The following PGM3 variants were observed in gnomAD, a reference collection of about 807,000 sequenced individuals.
The protein encoded by PGM3 is phosphoacetylglucosamine mutase.
In PGM3, 40 loss-of-function variants were observed where a neutral mutation model predicts 66.2. The observed-to-expected ratio is 0.60, with a 90% CI of 0.47 to 0.79. The LOEUF is 0.79. PGM3 is among the 30% of genes least tolerant of loss of function. The pLI is 0.00. For synonymous variants in PGM3, 191 were observed against 224.2 expected, an observed-to-expected ratio of 0.85 and a Z score of 1.32; for missense variants, 537 against 643.4, an observed-to-expected ratio of 0.83 and a Z score of 1.79.
Position 83,167,387 on chromosome 6 carries a change from T to C in PGM3, c.*1847A>G. 1.0e-6 allele frequency: 1 copy of C among 984,666 alleles called. No homozygotes were observed. The highest frequency in any genetic ancestry group is 4.7e-5 in the South Asian group (1 of 21,286). 61.0% of individuals were successfully genotyped at this position (984,666 alleles called of 1,614,324 possible). On this transcript the variant is annotated 3_prime_UTR_variant, in exon 13 of 13. Coordinates refer to ENST00000513973, the MANE Select transcript of PGM3 (RefSeq NM_015599.3). ...TTCACTTTGGACACTGCTACCATCA[T>C]GGCAAATTTAGGCCATTTAGATAAA... is the stretch of plus-strand genomic sequence containing the variant.
In PGM3 at chr6:83,177,822, G is replaced by A. The variant is rs182115521; in HGVS notation, c.1029+851C>T. On this transcript the variant is annotated intron_variant, in intron 8 of 12. Transcript: ENST00000513973. ...ACCATCCCCCAGGTAATATGTGACC[G>A]CCCTGGCCTACCTTCAGCAAAAGTC... Among the ~76,000 whole-genome samples, 478 of 152,090 alleles carry A rather than the reference G, an allele frequency of 3.1e-3. 3 individuals carry two copies. The highest frequency in any genetic ancestry group is 0.011 in the African/African-American group (442 of 41,494).
At chr6:83,185,862 AGAGGGTCCC>A (rs1249354020) in intron 4 of PGM3, among the ~76,000 whole-genome samples, 1 of 152,190 alleles carries the variant, frequency 6.6e-6, no homozygotes, top group African/African-American at 2.4e-5. Context: ...GCAGAATGAA[AGAGGGTCCC>A]GAGGAATGCC....
intron 3 of PGM3, among the ~76,000 whole-genome samples, chr6:83,187,576 G>A (rs1788673603): frequency 6.6e-6 from 1 of 152,184 alleles, no homozygotes; most frequent in South Asian, 2.1e-4. Context: ...CACTTTGGGA[G>A]GCCGAGGTGG....
At chr6:83,173,049 A>G (rs925113753) in intron 10 of PGM3, among the ~76,000 whole-genome samples, 2 of 152,220 alleles carry the variant, frequency 1.3e-5, no homozygotes, top group Non-Finnish European at 2.9e-5. Context: ...TACATGAAAC[A>G]AAAGAATTTA....
Position 83,179,878 on chromosome 6 carries a change from A to G in PGM3, c.877T>C (p.Phe293Leu). The G allele has an allele frequency of 6.2e-7, 1 of 1,613,234 alleles. No homozygotes were observed. ...ATCTTGTCTCCATCTATGAGATGAA[A>G]GTGGCCATCTGCATCATGGTAGTAA... ...VYYYHDADGH[F>L]HLIDGDKIAT... Residue 293 changes from phenylalanine to leucine, a missense_variant, in exon 7 of 13, where the codon TTT (phenylalanine) becomes CTT (leucine). Physicochemically the swap from Phe to Leu is conservative, Grantham distance 22. Coordinates refer to ENST00000513973, the MANE Select transcript of PGM3 (RefSeq NM_015599.3).
chr6:83,176,008 T>C lies in PGM3; in HGVS notation c.1082A>G (p.Gln361Arg). The change falls in exon 9 of 13, where the codon CAA becomes CGA. Residue 361 changes from glutamine to arginine, a missense_variant. Physicochemically the swap from Gln to Arg is conservative, Grantham distance 43. Transcript: ENST00000513973. The part of the protein sequence containing the change: ...TGVKHLHHKA[Q>R]EFDIGVYFEA... The stretch of plus-strand genomic sequence containing the variant: ...AAAATAAACTCCAATGTCAAACTCT[T>C]GAGCCTTGTGGTGCAAATGTTTTAC... 6.2e-7 allele frequency: 1 copy of C among 1,612,398 alleles called. No homozygotes were observed. The highest frequency in any genetic ancestry group is 8.5e-7 in the Non-Finnish European group (1 of 1,178,440).
chr6:83,190,972 G>A lies in PGM3; in HGVS notation c.41C>T (p.Ala14Val), dbSNP rs1788996396. Reference sequence around the variant, plus strand: ...TTGAAGGATCAGTCCATTGGGCTTGGCGTGTAATGCTGAGTATTTTGTAAT... The same window carrying A: ...TTGAAGGATCAGTCCATTGGGCTTGACGTGTAATGCTGAGTATTTTGTAAT... ...GAITKYSALH[A>V]KPNGLILQYG... Residue 14 changes from alanine to valine, a missense_variant, in exon 2 of 13, where the codon GCC becomes GTC. Transcript: ENST00000513973. 1 of 1,613,964 alleles carries A rather than the reference G, an allele frequency of 6.2e-7. No individual in the cohort carries two copies. The highest frequency in any genetic ancestry group is 1.3e-5 in the African/African-American group (1 of 74,906).
downstream of PGM3, chr6:83,162,709 C>T: frequency 6.9e-7 from 1 of 1,446,808 alleles, no homozygotes; most frequent in Non-Finnish European, 9.2e-7. Flanking sequence ...GGGTCATGAT[C>T]TTTCTACTAC....
chr6:83,159,691 T>A (rs1057095743), downstream of PGM3: 6 of 1,274,126 alleles, frequency 4.7e-6, no homozygotes, highest in Non-Finnish European at 6.7e-6. Context: ...GGCACATTTA[T>A]CTCAGGATGA....
chr6:83,159,932 CCCTCTGAAAA>C, downstream of PGM3: 1 of 1,614,036 alleles, frequency 6.2e-7, no homozygotes, highest in Non-Finnish European at 8.5e-7. Flanking sequence ...TCTCGCATTG[CCCTCTGAAAA>C]CCTTCCTCAG....
At chr6:83,169,465 T>C (rs1583240762) in intron 12 of PGM3, 142 bp from the exon 13 acceptor site, 3 of 950,458 alleles carry the variant, frequency 3.2e-6, no homozygotes, top group Non-Finnish European at 3.1e-6. Context: ...GAAAACCTTT[T>C]TTCATCTTTC....
intron 12 of PGM3, 68 bp downstream of exon 12, chr6:83,170,237 C>G: frequency 7.1e-7 from 1 of 1,418,110 alleles, no homozygotes; most frequent in Non-Finnish European, 9.9e-7. Flanking sequence ...TTCTAAAAAC[C>G]ATTAAAATAG....
intron 8 of PGM3, among the ~76,000 whole-genome samples, chr6:83,177,918 T>C (rs1431480499): frequency 6.6e-6 from 1 of 152,122 alleles, no homozygotes; most frequent in Admixed American, 6.6e-5. Context: ...TTTCATCCAC[T>C]GACCACCCCC....
At chr6:83,188,119 CA>C (rs1788723636) in intron 3 of PGM3, among the ~76,000 whole-genome samples, 1 of 152,096 alleles carries the variant, frequency 6.6e-6, no homozygotes. Flanking sequence ...TAATATTTTA[CA>C]AAAAGACATT....
At chr6:83,162,833 T>A (rs748389636), downstream of PGM3, 1 of 1,613,662 alleles carries the variant, frequency 6.2e-7, no homozygotes, top group South Asian at 1.1e-5. Flanking sequence ...TGATTCAGGT[T>A]TGGAAGTCAG....
chr6:83,151,540 A>C, the PGM3 span: 1 of 1,434,566 alleles, frequency 7.0e-7, no homozygotes, highest in Non-Finnish European at 9.5e-7. Flanking sequence ...AGATCGCATT[A>C]GTTTCTTTTA....
chr6:83,152,402 T>C, the PGM3 span: 2 of 989,202 alleles, frequency 2.0e-6, no homozygotes, highest in East Asian at 5.7e-5. Context: ...AACTCTCAAG[T>C]AGACTGTTTC....
chr6:83,176,444 GTC>G (rs1787776739), intron 8 of PGM3, among the ~76,000 whole-genome samples: 1 of 152,178 alleles, frequency 6.6e-6, no homozygotes, highest in South Asian at 2.1e-4. Flanking sequence ...AGGCCATATG[GTC>G]TCTGTCACAA....
the PGM3 span, among the ~76,000 whole-genome samples, chr6:83,150,055 G>C: frequency 4.6e-5 from 7 of 152,186 alleles, no homozygotes; most frequent in Admixed American, 1.3e-4. Context: ...AGTAAGTGTT[G>C]ATTCTTCTTT....
Sources: gnomAD v4.1 joint callset for allele counts (sites outside exome capture counted in the v4.1 genomes callset) on GRCh38, gnomAD v4.1.1 for gene constraint, MANE v1.5 for transcripts, NCBI Gene and HGNC (gene_info 2026-07-23, HGNC 2026-07-21) for gene names.